Variants in PNPLA6 observed in about 807,000 individuals in gnomAD.
PNPLA6 encodes the protein patatin-like phospholipase domain-containing protein 6.
Under a neutral mutation model 153.7 loss-of-function variants are expected in PNPLA6, and 105 were observed. The observed-to-expected ratio is 0.68, with a 90% CI of 0.58 to 0.80. PNPLA6 has a LOEUF of 0.80. Ranked by LOEUF, PNPLA6 falls within the 30% of genes least tolerant of loss-of-function variation. The probability of loss-of-function intolerance (pLI) is 0.00; values close to 1 mark genes in which losing one functional copy is unlikely to be tolerated. For synonymous variants in PNPLA6, 825 were observed against 822.2 expected (o/e 1.00, Z -0.06); for missense variants, 1,423 against 1,919.3 (o/e 0.74, Z 4.83).
intron 3 of PNPLA6, among the ~76,000 whole-genome samples, chr19:7,538,720 C>T (rs2022986333): frequency 6.6e-6 from 1 of 152,194 alleles, no homozygotes; most frequent in South Asian, 2.1e-4. Context: ...TCTCAAGGTT[C>T]TCTGAGACTG....
chr19:7,539,624 G>C (rs1012277852), intron 3 of PNPLA6, among the ~76,000 whole-genome samples: 5 of 151,788 alleles, frequency 3.3e-5, no homozygotes, highest in Non-Finnish European at 5.9e-5. Context: ...GGGCGTGGTG[G>C]CACATGCCTG....
rs751885710 is a variant in PNPLA6, at chr19:7,541,570, A to C, written c.1054A>C (p.Thr352Pro). ...CCCCAGCCCCGGCCTCCCAACTCGC[A>C]CCAGCCCTGTGCGGGGCTCCAAGAG... ...LFPSPGLPTR[T>P]SPVRGSKRMV... The change falls in exon 9 of 32, where the codon ACC becomes CCC. Residue 352 changes from threonine to proline, a missense_variant. Physicochemically the swap from Thr to Pro is conservative, Grantham distance 38. Around this residue, in one of 10 missense-constraint regions of PNPLA6, gnomAD observed 267 missense variants for 255.1 expected, o/e 1.05. Transcript: ENST00000600737. The surrounding 1 kb of genome is among the most constrained non-coding windows in gnomAD (Gnocchi z 5.2). The C allele has an allele frequency of 2.5e-6, 4 of 1,599,484 alleles. No individual in the cohort carries two copies. The highest frequency in any genetic ancestry group is 3.4e-6 in the Non-Finnish European group (4 of 1,173,288).
chr19:7,555,356 G>GGGC lies in PNPLA6; in HGVS notation c.2928_2930dup (p.Gly977dup). The GGGC allele has an allele frequency of 1.9e-6, 3 of 1,553,134 alleles. No homozygotes were observed. The highest frequency in any genetic ancestry group is 2.6e-6 in the Non-Finnish European group (3 of 1,147,414). On this transcript the variant is annotated inframe_insertion, in exon 23 of 32. Transcript: ENST00000600737. This position sits in a 1 kb window ranked among gnomAD's most constrained non-coding sequence, Gnocchi z 6.3. ...ACACCATTGCCCTTGTGCTAGGCGG[G>GGGC]GGCGGGGCCAGGTGAGGGCGGGGCT...
At chr19:7,548,718 T>C (rs28796590) in intron 13 of PNPLA6, among the ~76,000 whole-genome samples, 14 of 12,114 alleles carry the variant, frequency 1.2e-3, no homozygotes, top group South Asian at 3.9e-3. Context: ...TATATATATA[T>C]ACACACACAT....
At chr19:7,552,168 T>TG (rs1355831254) in intron 18 of PNPLA6, among the ~76,000 whole-genome samples, 1 of 152,102 alleles carries the variant, frequency 6.6e-6, no homozygotes, top group Admixed American at 6.5e-5. Flanking sequence ...AAATAGTCTG[T>TG]GGATTGTTGT....
chr19:7,548,405 CA>C (rs111556976), intron 13 of PNPLA6, among the ~76,000 whole-genome samples: 4,588 of 145,148 alleles, frequency 0.032, 231 homozygotes, highest in African/African-American at 0.11. Context: ...AAAAAAATCG[CA>C]AAAAAAAAAA....
chr19:7,539,055 A>T (rs1353071874), intron 3 of PNPLA6, among the ~76,000 whole-genome samples: 30 of 152,212 alleles, frequency 2.0e-4, no homozygotes, highest in Admixed American at 2.0e-3. Context: ...CCAGATAGTA[A>T]ATGTTTCAGG....
Position 7,540,932 on chromosome 19 carries a change from C to T in PNPLA6, c.805C>T (p.His269Tyr), listed in dbSNP as rs749575342. Reference protein sequence around the residue: ...SILDVITGHQHPQRTVSARAA... With the variant: ...SILDVITGHQYPQRTVSARAA... Reference sequence around the variant, plus strand: ...CCCTCCCCTCCCCCAGGGTCACCAGCATCCCCAGCGGACCGTGTCTGCCCG... The same window carrying T: ...CCCTCCCCTCCCCCAGGGTCACCAGTATCCCCAGCGGACCGTGTCTGCCCG... Residue 269 changes from histidine (H) to tyrosine (Y), a missense_variant, in exon 7 of 32, where the codon CAT (histidine) becomes TAT (tyrosine). Coordinates refer to ENST00000600737, the MANE Select transcript of PNPLA6 (RefSeq NM_001166114.2). The surrounding 1 kb of genome is among the most constrained non-coding windows in gnomAD (Gnocchi z 6.8). The T allele has an allele frequency of 3.7e-6, 6 of 1,612,892 alleles. No individual in the cohort carries two copies. Among genetic ancestry groups the T allele is most frequent in the Non-Finnish European group, 5.1e-6 (6 of 1,179,908 alleles).
chr19:7,550,556 T>C lies in PNPLA6; in HGVS notation c.1986T>C (p.Asn662=). 6.2e-7 allele frequency: 1 copy of C among 1,613,244 alleles called. No homozygotes were observed. The highest frequency in any genetic ancestry group is 8.5e-7 in the Non-Finnish European group (1 of 1,179,916). ...DRSDCTYIVL[N]GRLRSVIQRG... is the part of the protein sequence containing the mutation. The stretch of plus-strand genomic sequence containing the variant: ...CCGACTGCACTTACATCGTGCTCAA[T>C]GGGCGGCTGCGTAGCGTGATCCAGC... The change falls in exon 16 of 32, where the codon AAT becomes AAC. Residue 662 remains asparagine, a synonymous_variant. Coordinates refer to ENST00000600737, the MANE Select transcript of PNPLA6 (RefSeq NM_001166114.2).
chr19:7,543,060 C>T lies in PNPLA6; in HGVS notation c.1584C>T (p.Thr528=), dbSNP rs2146062147. 1 of 1,614,048 alleles carries T rather than the reference C, an allele frequency of 6.2e-7. No homozygotes were observed. Among genetic ancestry groups the T allele is most frequent in the African/African-American group, 1.3e-5 (1 of 75,064 alleles). ...TGCTGCACCACGCCAAAGCTGGCACCATCATTGCCCGCCAGGGAGACCAGG... is the reference window on the plus strand; with the variant it reads ...TGCTGCACCACGCCAAAGCTGGCACTATCATTGCCCGCCAGGGAGACCAGG... ...RVLLHHAKAG[T]IIARQGDQDV... Residue 528 remains threonine (T), a synonymous_variant, in exon 13 of 32, where the codon ACC becomes ACT. Transcript: ENST00000600737.
intron 27 of PNPLA6, 28 bp from the exon 28 acceptor site, chr19:7,558,822 C>T (rs1017260509): frequency 6.1e-5 from 97 of 1,584,474 alleles, no homozygotes; most frequent in Non-Finnish European, 7.9e-5. Context: ...CCGAGGGGAG[C>T]AGCCCGCTGA....
At chr19:7,544,046 C>T (rs1948319349) in intron 13 of PNPLA6, among the ~76,000 whole-genome samples, 1 of 151,876 alleles carries the variant, frequency 6.6e-6, no homozygotes, top group Non-Finnish European at 1.5e-5. Context: ...ATCTCCTGAC[C>T]TCGTGATCCG....
rs2023203442 is a variant in PNPLA6, at chr19:7,542,606, G to A, written c.1298G>A (p.Arg433His). The part of the protein sequence containing the change: ...PRSDFDMAYE[R>H]GRISVSLQEE... ...TCCGACTTCGACATGGCCTATGAGC[G>A]TGGCCGGATCTCCGTGTCCCTGCAG... is the stretch of plus-strand genomic sequence containing the variant. The change falls in exon 11 of 32, where the codon CGT (arginine) becomes CAT (histidine). Residue 433 changes from arginine (R) to histidine (H), a missense_variant. Around this residue, in one of 10 missense-constraint regions of PNPLA6, gnomAD observed 267 missense variants for 255.1 expected, o/e 1.05. Coordinates refer to ENST00000600737, the MANE Select transcript of PNPLA6 (RefSeq NM_001166114.2). 3 of 1,613,604 alleles carry A rather than the reference G, an allele frequency of 1.9e-6. No individual in the cohort carries two copies. The highest frequency in any genetic ancestry group is 1.3e-5 in the African/African-American group (1 of 74,944).
rs767654280 is a variant in PNPLA6, at chr19:7,555,622, C to A, written c.2952C>A (p.Ile984=). ...TTCCCGGCAGGGGCTGCTCGCACAT[C>A]GGAGTACTAAAGGCATTAGAGGAGG... The part of the protein sequence containing the change: ...GGGGARGCSH[I]GVLKALEEAG... Residue 984 remains isoleucine (I), a synonymous_variant, in exon 24 of 32, where the codon ATC becomes ATA. Transcript: ENST00000600737. This position sits in a 1 kb window ranked among gnomAD's most constrained non-coding sequence, Gnocchi z 6.3. 2 of 1,612,042 alleles carry A rather than the reference C, an allele frequency of 1.2e-6. No individual in the cohort carries two copies. The highest frequency in any genetic ancestry group is 8.5e-7 in the Non-Finnish European group (1 of 1,179,726).
Position 7,543,012 on chromosome 19 carries a change from C to CT in PNPLA6, c.1537dup (p.Ser513PhefsTer93). On this transcript the variant is annotated frameshift_variant, in exon 13 of 32. Transcript: ENST00000600737. LOFTEE classifies it high-confidence loss of function. Reference sequence around the variant, plus strand: ...CAACCCCCCTACCTCCCCAGGACCCCTCCCTCCTGAACAGCAGAGTCTTGC... The same window carrying CT: ...CAACCCCCCTACCTCCCCAGGACCCCTTCCCTCCTGAACAGCAGAGTCTTGC... The CT allele has an allele frequency of 6.2e-7, 1 of 1,614,044 alleles. No individual in the cohort carries two copies. The highest frequency in any genetic ancestry group is 8.5e-7 in the Non-Finnish European group (1 of 1,179,982).
Position 7,555,207 on chromosome 19 carries a change from C to G in PNPLA6, c.2818-42C>G. 3 of 1,547,180 alleles carry G rather than the reference C, an allele frequency of 1.9e-6. No homozygotes were observed. The highest frequency in any genetic ancestry group is 2.6e-6 in the Non-Finnish European group (3 of 1,135,462). On this transcript the variant is annotated intron_variant, in intron 22 of 31. Coordinates refer to ENST00000600737, the MANE Select transcript of PNPLA6 (RefSeq NM_001166114.2). This position sits in a 1 kb window ranked among gnomAD's most constrained non-coding sequence, Gnocchi z 6.3. Reference sequence around the variant, plus strand: ...TACCCCTGGGGGATCCGCCGGACCCCGCCCTCATGCTCCTGGGTCGCGACT... The same window carrying G: ...TACCCCTGGGGGATCCGCCGGACCCGGCCCTCATGCTCCTGGGTCGCGACT...
intron 3 of PNPLA6, among the ~76,000 whole-genome samples, chr19:7,539,365 G>T (rs1000024240): frequency 2.6e-5 from 4 of 151,970 alleles, no homozygotes; most frequent in Non-Finnish European, 5.9e-5. Flanking sequence ...TGTAGTCCCA[G>T]CTACTTGGGA....
In PNPLA6 at chr19:7,561,673, C is replaced by T. The variant is rs760813147; in HGVS notation, c.*111C>T. Reference sequence around the variant, plus strand: ...CTGCTATGCCTGTGACCCCCGCGGCCCACACACTGGACTGACCTGCCCTGA... The same window carrying T: ...CTGCTATGCCTGTGACCCCCGCGGCTCACACACTGGACTGACCTGCCCTGA... On this transcript the variant is annotated 3_prime_UTR_variant, in exon 32 of 32. Transcript: ENST00000600737. The T allele has an allele frequency of 3.8e-6, 3 of 782,582 alleles. No individual in the cohort carries two copies. In the East Asian group the frequency reaches 8.0e-5, roughly 21 times the overall value. 48.5% of individuals were successfully genotyped at this position (782,582 alleles called of 1,614,324 possible). A position where few individuals can be genotyped will look rare whatever the true frequency, so the allele number is the denominator to read the frequency against.
rs202070445 is a variant in PNPLA6, at chr19:7,561,079, C to G, written c.3882C>G (p.Pro1294=). The change falls in exon 30 of 32, where the codon CCC becomes CCG. Residue 1294 remains proline (P), a synonymous_variant. Coordinates refer to ENST00000600737, the MANE Select transcript of PNPLA6 (RefSeq NM_001166114.2). ...AGATTGTGTCCCGGATTGAGCCCCCCACGAGCTATGTCTCTGATGGCTGTG... is the reference window on the plus strand; with the variant it reads ...AGATTGTGTCCCGGATTGAGCCCCCGACGAGCTATGTCTCTGATGGCTGTG... ...LAEIVSRIEP[P]TSYVSDGCAD... 1 of 1,613,248 alleles carries G rather than the reference C, an allele frequency of 6.2e-7. No homozygotes were observed. Among genetic ancestry groups the G allele is most frequent in the East Asian group, 2.2e-5 (1 of 44,858 alleles).
Sources: gnomAD v4.1 joint callset for allele counts (sites outside exome capture counted in the v4.1 genomes callset) on GRCh38, gnomAD v4.1.1 for gene constraint, gnomAD v4.1.1 regional missense constraint, Gnocchi (gnomAD v3.1) non-coding constraint, MANE v1.5 for transcripts, NCBI Gene and HGNC (gene_info 2026-07-23, HGNC 2026-07-21) for gene names.